Variants in UNC5D observed in about 807,000 individuals in gnomAD.
The protein encoded by UNC5D is netrin receptor UNC5D.
In UNC5D, 39 loss-of-function variants were observed where a neutral mutation model predicts 105.4. That is an observed-to-expected ratio of 0.37 (90% confidence interval 0.29 to 0.48). The LOEUF (loss-of-function observed/expected upper bound fraction) is 0.48. Among genes scored for constraint, UNC5D ranks in the 20% least tolerant of loss-of-function variants. The pLI, the probability that UNC5D is intolerant of heterozygous loss-of-function variation, is 0.98. For missense variants in UNC5D, 991 were observed against 1,202.4 expected, an observed-to-expected ratio of 0.82 and a Z score of 2.60; for synonymous variants, 452 against 450.4, an observed-to-expected ratio of 1.00 and a Z score of -0.04.
At position 35,791,053 on chromosome 8, in the gene UNC5D, T is replaced by C; in HGVS notation, c.*490T>C. 1 of 185,522 alleles carries C rather than the reference T, an allele frequency of 5.4e-6. No homozygotes were observed. The highest frequency in any genetic ancestry group is 5.3e-5 in the Admixed American group (1 of 18,762). The allele number at this position is 185,522 out of a possible 1,614,324, so 11.5% of individuals were successfully genotyped here. A position where few individuals can be genotyped will look rare whatever the true frequency, so the allele number is the denominator to read the frequency against. ...ACGTGAAACAGGGTTGCCAACCCAT[T>C]TGTATGACTTCAACAACGTCAAGGA... is the stretch of plus-strand genomic sequence containing the variant. On this transcript the variant is annotated 3_prime_UTR_variant, in exon 17 of 17. Transcript: ENST00000404895.
At chr8:35,694,139 T>C (rs564387772) in intron 7 of UNC5D, among the ~76,000 whole-genome samples, 1 of 152,302 alleles carries the variant, frequency 6.6e-6, no homozygotes, top group Admixed American at 6.5e-5. Context: ...ATTATAATCT[T>C]AGAACCAGCT....
intron 1 of UNC5D, among the ~76,000 whole-genome samples, chr8:35,389,066 T>C (rs953412423): frequency 1.3e-5 from 2 of 152,234 alleles, no homozygotes; most frequent in Non-Finnish European, 1.5e-5. Flanking sequence ...TTTGTGTATA[T>C]AGTTATTTCT....
intron 1 of UNC5D, among the ~76,000 whole-genome samples, chr8:35,416,695 C>T (rs931041690): frequency 3.2e-4 from 49 of 151,864 alleles, no homozygotes; most frequent in African/African-American, 1.2e-3. Context: ...TTGAGATTTT[C>T]CAACTGGAAG....
At chr8:35,335,419 C>T (rs903579929) in intron 1 of UNC5D, among the ~76,000 whole-genome samples, 11 of 152,270 alleles carry the variant, frequency 7.2e-5, no homozygotes, top group Admixed American at 3.3e-4. Flanking sequence ...CCTAAAAGCA[C>T]ACATTTTTTA....
chr8:35,327,088 C>G (rs1385305449), intron 1 of UNC5D, among the ~76,000 whole-genome samples: 4 of 152,084 alleles, frequency 2.6e-5, no homozygotes, highest in African/African-American at 9.7e-5. Context: ...ATGCAAAGCA[C>G]CGAGGGTACA....
intron 15 of UNC5D, among the ~76,000 whole-genome samples, chr8:35,771,113 T>C (rs2131728034): frequency 6.6e-6 from 1 of 152,346 alleles, no homozygotes; most frequent in East Asian, 1.9e-4. Context: ...GGGACCCACT[T>C]ATTAATGTGT....
At chr8:35,729,762 T>C (rs1829088645) in intron 10 of UNC5D, among the ~76,000 whole-genome samples, 1 of 152,136 alleles carries the variant, frequency 6.6e-6, no homozygotes, top group African/African-American at 2.4e-5. Context: ...GCAATTATAG[T>C]TCTACTATTG....
In UNC5D at chr8:35,748,662, T is replaced by C. The variant is rs748811631; in HGVS notation, c.1902T>C (p.His634=). 2 of 1,613,914 alleles carry C rather than the reference T, an allele frequency of 1.2e-6. No homozygotes were observed. The highest frequency in any genetic ancestry group is 1.7e-6 in the Non-Finnish European group (2 of 1,179,866). ...TCAGTTCTGAGCATTGGAATATCCATTTAAAGAAGAGGACACAGCAGGGCA... is the reference window on the plus strand; with the variant it reads ...TCAGTTCTGAGCATTGGAATATCCACTTAAAGAAGAGGACACAGCAGGGCA... The part of the protein sequence containing the change: ...ADVSSEHWNI[H]LKKRTQQGKW... Residue 634 remains histidine, a synonymous_variant, in exon 12 of 17, where the codon CAT becomes CAC. Coordinates refer to ENST00000404895, the MANE Select transcript of UNC5D (RefSeq NM_080872.4).
At chr8:35,758,798 T>G (rs1830627993) in intron 13 of UNC5D, among the ~76,000 whole-genome samples, 1 of 152,212 alleles carries the variant, frequency 6.6e-6, no homozygotes, top group African/African-American at 2.4e-5. Flanking sequence ...TTTACAAACA[T>G]TACTACAAAT....
chr8:35,528,018 C>T (rs1341150508), intron 1 of UNC5D, among the ~76,000 whole-genome samples: 1 of 146,062 alleles, frequency 6.8e-6, no homozygotes, highest in South Asian at 2.3e-4. Context: ...TTAAGTTTAT[C>T]ATGAATTCTA....
At chr8:35,740,784 G>A (rs886310159) in intron 11 of UNC5D, among the ~76,000 whole-genome samples, 3 of 152,170 alleles carry the variant, frequency 2.0e-5, no homozygotes, top group Non-Finnish European at 4.4e-5. Flanking sequence ...CTGCAAAGTT[G>A]AGATGTGACT....
At chr8:35,551,586 G>A (rs1056121663) in intron 2 of UNC5D, among the ~76,000 whole-genome samples, 9 of 152,116 alleles carry the variant, frequency 5.9e-5, no homozygotes, top group African/African-American at 9.7e-5. Context: ...TTGGGAGGCC[G>A]AGGTGGGTGG....
chr8:35,262,767 G>T (rs1804579121), intron 1 of UNC5D, among the ~76,000 whole-genome samples: 1 of 152,112 alleles, frequency 6.6e-6, no homozygotes, highest in Non-Finnish European at 1.5e-5. Context: ...TAATTGTGTT[G>T]CTTCTTAAAG....
chr8:35,691,313 G>A (rs1431661335), intron 7 of UNC5D, among the ~76,000 whole-genome samples: 1 of 151,994 alleles, frequency 6.6e-6, no homozygotes, highest in South Asian at 2.1e-4. Flanking sequence ...CAAGACCCCG[G>A]TCTCTACAAA....
chr8:35,387,795 CAGTA>C (rs1803502731), intron 1 of UNC5D, among the ~76,000 whole-genome samples: 1 of 152,018 alleles, frequency 6.6e-6, no homozygotes, highest in Non-Finnish European at 1.5e-5. Context: ...GCCTGGGATC[CAGTA>C]AGTATGCAAG....
chr8:35,553,269 A>G (rs1220864780), intron 2 of UNC5D, among the ~76,000 whole-genome samples: 4 of 151,914 alleles, frequency 2.6e-5, no homozygotes, highest in Non-Finnish European at 5.9e-5. Context: ...TTCCCCTAGC[A>G]TTGCTAGGCA....
chr8:35,481,390 C>G (rs1810470199), intron 1 of UNC5D, among the ~76,000 whole-genome samples: 1 of 152,036 alleles, frequency 6.6e-6, no homozygotes, highest in Non-Finnish European at 1.5e-5. Flanking sequence ...GGAGTAAGAT[C>G]CTGTCTCAGA....
At chr8:35,595,679 A>G (rs1819446172) in intron 4 of UNC5D, 22 bp downstream of exon 4, 1 of 1,607,584 alleles carries the variant, frequency 6.2e-7, no homozygotes, top group African/African-American at 1.3e-5. Flanking sequence ...TCCTGGGACC[A>G]GTCACCGGGA....
intron 1 of UNC5D, among the ~76,000 whole-genome samples, chr8:35,348,454 T>A (rs575924050): frequency 5.7e-4 from 86 of 151,906 alleles, no homozygotes; most frequent in African/African-American, 1.9e-3. Context: ...AGGTAGAAAT[T>A]TACTTCTTTA....
Sources: allele counts gnomAD v4.1 joint callset (sites outside exome capture counted in the v4.1 genomes callset), GRCh38; gene constraint gnomAD v4.1.1; transcripts MANE v1.5; gene names NCBI Gene and HGNC (gene_info 2026-07-23, HGNC 2026-07-21).